Variants in OPRK1 observed in about 807,000 individuals in gnomAD.
OPRK1 encodes opioid receptor kappa 1, also known as kappa-type opioid receptor.
OPRK1 carries 15 observed loss-of-function variants against 24.5 expected under a neutral mutation model. The observed-to-expected ratio is 0.61, with a 90% CI of 0.41 to 0.94. The LOEUF is 0.94. OPRK1 is among the 40% of genes least tolerant of loss of function. The pLI, the probability that OPRK1 is intolerant of heterozygous loss-of-function variation, is 0.00. For missense variants in OPRK1, 479 were observed against 507.3 expected (o/e 0.94, Z 0.54); for synonymous variants, 205 against 198.0 (o/e 1.04, Z -0.30).
At position 53,229,122 on chromosome 8, in the gene OPRK1, G is replaced by A. The variant is rs901790956; in HGVS notation, c.*175C>T. ...GTTGCGTGGACCTTTTGTCCTTGAT[G>A]TTTCCACTGATCACGAACGTGGTCT... On this transcript the variant is annotated 3_prime_UTR_variant, in exon 4 of 4. Coordinates refer to ENST00000265572, the MANE Select transcript of OPRK1 (RefSeq NM_000912.5). 4.2e-6 allele frequency: 3 copies of A among 707,644 alleles called. No individual in the cohort carries two copies. Among genetic ancestry groups the A allele is most frequent in the Non-Finnish European group, 6.8e-6 (3 of 443,450 alleles). 43.8% of individuals were successfully genotyped at this position (707,644 alleles called of 1,614,324 possible). A position where few individuals can be genotyped will look rare whatever the true frequency, so the allele number is the denominator to read the frequency against.
At chr8:53,242,895 T>C (rs12548098) in intron 2 of OPRK1, 224,255 of 1,284,280 alleles carry the variant, frequency 0.17, 20,960 homozygotes, top group African/African-American at 0.28. Flanking sequence ...TTTTGTCGTC[T>C]TCCATTGAAA....
intron 3 of OPRK1, among the ~76,000 whole-genome samples, chr8:53,231,885 C>T (rs537053121): frequency 3.3e-5 from 5 of 152,258 alleles, no homozygotes; most frequent in South Asian, 2.1e-4. Context: ...CCTTTAACTC[C>T]GAGGCTCAGC....
chr8:53,242,895 T>G, intron 2 of OPRK1: 2 of 1,287,556 alleles, frequency 1.6e-6, no homozygotes, highest in Non-Finnish European at 2.0e-6. Flanking sequence ...TTTTGTCGTC[T>G]TCCATTGAAA....
Position 53,228,394 on chromosome 8 carries a change from C to A in OPRK1, c.*903G>T, listed in dbSNP as rs1452732027. On this transcript the variant is annotated 3_prime_UTR_variant, in exon 4 of 4. Transcript: ENST00000265572. ...GAGTCTGAAAGAGATCATGCCATGA[C>A]TAATTCCCAGCAAAATGTCTCAGCA... 1 of 152,192 alleles carries A rather than the reference C, an allele frequency of 6.6e-6. No homozygotes were observed. The highest frequency in any genetic ancestry group is 1.9e-4 in the East Asian group (1 of 5,198). 9.4% of individuals were successfully genotyped at this position (152,192 alleles called of 1,614,324 possible). A position where few individuals can be genotyped will look rare whatever the true frequency, so the allele number is the denominator to read the frequency against.
At chr8:53,235,447 C>A (rs1335481572) in intron 2 of OPRK1, among the ~76,000 whole-genome samples, 3 of 152,158 alleles carry the variant, frequency 2.0e-5, no homozygotes, top group African/African-American at 7.2e-5. Flanking sequence ...TAATCCTGCC[C>A]AGAGTCGCTT....
intron 2 of OPRK1, among the ~76,000 whole-genome samples, chr8:53,236,259 A>G (rs1317305512): frequency 1.3e-5 from 2 of 152,158 alleles, no homozygotes; most frequent in African/African-American, 2.4e-5. Context: ...GACTTATCTG[A>G]TTTTCAGTTC....
At chr8:53,236,589 G>A (rs1198755478) in intron 2 of OPRK1, among the ~76,000 whole-genome samples, 1 of 152,184 alleles carries the variant, frequency 6.6e-6, no homozygotes, top group Non-Finnish European at 1.5e-5. Flanking sequence ...TGACCTATAA[G>A]TTTTAGATAG....
At chr8:53,231,570 C>T (rs1214418779) in intron 3 of OPRK1, among the ~76,000 whole-genome samples, 1 of 152,144 alleles carries the variant, frequency 6.6e-6, no homozygotes, top group East Asian at 1.9e-4. Flanking sequence ...CAGACAGAAG[C>T]CTGTCTGATC....
chr8:53,235,806 A>G (rs1489770010), intron 2 of OPRK1, among the ~76,000 whole-genome samples: 1 of 152,234 alleles, frequency 6.6e-6, no homozygotes, highest in Non-Finnish European at 1.5e-5. Flanking sequence ...AGCACGTAAT[A>G]TGTCTCATCT....
chr8:53,241,326 T>C (rs1470298957), intron 2 of OPRK1, among the ~76,000 whole-genome samples: 1 of 152,186 alleles, frequency 6.6e-6, no homozygotes, highest in Non-Finnish European at 1.5e-5. Flanking sequence ...CTCAATGAAA[T>C]TAACTGCTAT....
In OPRK1 at chr8:53,229,634, A is replaced by G. The variant is rs765822298; in HGVS notation, c.806T>C (p.Leu269Pro). 2.5e-6 allele frequency: 4 copies of G among 1,614,060 alleles called. No homozygotes were observed. In the South Asian group the frequency reaches 4.4e-5, roughly 18 times the overall value. Reference protein sequence around the residue: ...LSGSREKDRNLRRITRLVLVV... With the variant: ...LSGSREKDRNPRRITRLVLVV... Reference sequence around the variant, plus strand: ...CAGGACCAGTCTGGTGATCCTACGCAGGTTGCGATCTTTCTCTCGGGAGCC... The same window carrying G: ...CAGGACCAGTCTGGTGATCCTACGCGGGTTGCGATCTTTCTCTCGGGAGCC... Residue 269 changes from leucine (L) to proline (P), a missense_variant, in exon 4 of 4, where the codon CTG (leucine) becomes CCG (proline). Physicochemically the swap from Leu to Pro is moderately conservative, Grantham distance 98. Coordinates refer to ENST00000265572, the MANE Select transcript of OPRK1 (RefSeq NM_000912.5).
At position 53,234,853 on chromosome 8, in the gene OPRK1, G is replaced by C; in HGVS notation, c.516C>G (p.Pro172=). 1 of 1,614,160 alleles carries C rather than the reference G, an allele frequency of 6.2e-7. No individual in the cohort carries two copies. The highest frequency in any genetic ancestry group is 8.5e-7 in the Non-Finnish European group (1 of 1,180,044). The stretch of plus-strand genomic sequence containing the variant: ...AGATATTGATGATCTTTGCCTTCAA[G>C]GGTGTGCGGAAGTCCAAAGCCTTCA... ...HPVKALDFRT[P]LKAKIINICI... The change falls in exon 3 of 4, where the codon CCC becomes CCG. Residue 172 remains proline, a synonymous_variant. Transcript: ENST00000265572.
intron 2 of OPRK1, among the ~76,000 whole-genome samples, chr8:53,245,817 T>TAAGC (rs1413677523): frequency 1.3e-5 from 2 of 152,122 alleles, no homozygotes; most frequent in Non-Finnish European, 2.9e-5. Flanking sequence ...CAGTTGACTT[T>TAAGC]AAGCAAGGGA....
intron 2 of OPRK1, among the ~76,000 whole-genome samples, chr8:53,247,798 C>T (rs1482686020): frequency 5.9e-5 from 9 of 151,938 alleles, no homozygotes; most frequent in Admixed American, 5.2e-4. Flanking sequence ...GAGTTTGAGA[C>T]CAGCCTGCAC....
intron 2 of OPRK1, among the ~76,000 whole-genome samples, chr8:53,239,328 G>T (rs1807063932): frequency 6.6e-6 from 1 of 152,220 alleles, no homozygotes; most frequent in Non-Finnish European, 1.5e-5. Context: ...AGGAATACAT[G>T]GAAGAGAAAG....
In OPRK1 at chr8:53,229,113, G is replaced by T; in HGVS notation, c.*184C>A. 1.5e-6 allele frequency: 1 copy of T among 652,230 alleles called. No homozygotes were observed. Among genetic ancestry groups the T allele is most frequent in the Non-Finnish European group, 2.5e-6 (1 of 395,516 alleles). 40.4% of individuals were successfully genotyped at this position (652,230 alleles called of 1,614,324 possible). ...GGTGCATGTGTTGCGTGGACCTTTT[G>T]TCCTTGATGTTTCCACTGATCACGA... On this transcript the variant is annotated 3_prime_UTR_variant, in exon 4 of 4. Coordinates refer to ENST00000265572, the MANE Select transcript of OPRK1 (RefSeq NM_000912.5).
chr8:53,234,202 A>AAAAAAAAAAAAAAAAAAAAAC (rs1806930517), intron 3 of OPRK1, among the ~76,000 whole-genome samples: 1 of 151,224 alleles, frequency 6.6e-6, no homozygotes, highest in African/African-American at 2.4e-5. Flanking sequence ...AAAAAAAAAA[A>AAAAAAAAAAAAAAAAAAAAAC]ATCAGTTGGC....
chr8:53,238,095 C>T (rs1807035087), intron 2 of OPRK1, among the ~76,000 whole-genome samples: 1 of 152,192 alleles, frequency 6.6e-6, no homozygotes, highest in African/African-American at 2.4e-5. Flanking sequence ...GAATATAAAG[C>T]AAGGCTGTGA....
rs1173933263 is a variant in OPRK1, at chr8:53,234,827, C to A, written c.542G>T (p.Cys181Phe). Residue 181 changes from cysteine (C) to phenylalanine (F), a missense_variant, in exon 3 of 4, where the codon TGC becomes TTC. By Grantham distance (205) the Cys-to-Phe change is radical (BLOSUM62 -2). Coordinates refer to ENST00000265572, the MANE Select transcript of OPRK1 (RefSeq NM_000912.5). ...TPLKAKIINI[C>F]IWLLSSSVGI... ...AACAGATGACGACAGCAGCCAGATG[C>A]AGATATTGATGATCTTTGCCTTCAA... is the stretch of plus-strand genomic sequence containing the variant. 1 of 1,614,196 alleles carries A rather than the reference C, an allele frequency of 6.2e-7. No homozygotes were observed. Among genetic ancestry groups the A allele is most frequent in the East Asian group, 2.2e-5 (1 of 44,882 alleles).
Sources: gnomAD v4.1 joint callset for allele counts (sites outside exome capture counted in the v4.1 genomes callset) on GRCh38, gnomAD v4.1.1 for gene constraint, MANE v1.5 for transcripts, NCBI Gene and HGNC (gene_info 2026-07-23, HGNC 2026-07-21) for gene names.